Variants in KCNMA1 observed in about 807,000 individuals in gnomAD.
KCNMA1 encodes Calcium-activated potassium channel subunit alpha-1.
Under a neutral mutation model 140.0 loss-of-function variants are expected in KCNMA1, and 29 were observed. The observed-to-expected ratio is 0.21, with a 90% confidence interval of 0.15 to 0.28. The LOEUF is 0.28. Among genes scored for constraint, KCNMA1 ranks in the 10% least tolerant of loss-of-function variants. The pLI is 1.00. For synonymous variants in KCNMA1, 612 were observed against 611.9 expected (o/e 1.00, Z 0.00); for missense variants, 880 against 1,602.2 (o/e 0.55, Z 7.70).
chr10:76,966,465 T>G (rs1468457646), intron 20 of KCNMA1, among the ~76,000 whole-genome samples: 1 of 152,172 alleles, frequency 6.6e-6, no homozygotes, highest in African/African-American at 2.4e-5. Flanking sequence ...TACTTTTTAT[T>G]TTTTCCTAGA....
At chr10:77,005,359 G>A (rs984587018) in intron 18 of KCNMA1, among the ~76,000 whole-genome samples, 16 of 152,218 alleles carry the variant, frequency 1.1e-4, no homozygotes, top group African/African-American at 3.9e-4. Flanking sequence ...TGGCACAGGA[G>A]GACTATTTCA....
At chr10:77,272,020 T>C (rs1403009797) in intron 2 of KCNMA1, among the ~76,000 whole-genome samples, 1 of 152,184 alleles carries the variant, frequency 6.6e-6, no homozygotes, top group Non-Finnish European at 1.5e-5. Context: ...CTGACTATCC[T>C]TTCTAAAGCA....
intron 13 of KCNMA1, chr10:77,077,787 G>A (rs1327139186): frequency 6.6e-6 from 1 of 152,100 alleles, no homozygotes; most frequent in Non-Finnish European, 1.5e-5. Context: ...CACCTACAAG[G>A]GCTGCCATCA....
chr10:77,574,751 C>T (rs753283153), intron 1 of KCNMA1, among the ~76,000 whole-genome samples: 4 of 152,184 alleles, frequency 2.6e-5, no homozygotes, highest in Admixed American at 6.5e-5. Context: ...ATAGAATGGT[C>T]GTGAGGATCA....
At chr10:77,548,404 G>A (rs1423863412) in intron 1 of KCNMA1, among the ~76,000 whole-genome samples, 2 of 152,184 alleles carry the variant, frequency 1.3e-5, no homozygotes, top group African/African-American at 4.8e-5. Context: ...TAGCTCAGGG[G>A]CAGACAGAAG....
chr10:77,406,311 G>A (rs669677), intron 1 of KCNMA1, among the ~76,000 whole-genome samples: 92,348 of 151,036 alleles, frequency 0.61, 28,155 homozygotes, highest in East Asian at 0.63. Flanking sequence ...TGCCACCGCT[G>A]TGGGACCTCA....
chr10:76,995,846 C>A, intron 19 of KCNMA1: 2 of 369,842 alleles, frequency 5.4e-6, no homozygotes, highest in South Asian at 4.0e-5. Flanking sequence ...CATGGTGTCC[C>A]TGGGAAGAAA....
intron 1 of KCNMA1, among the ~76,000 whole-genome samples, chr10:77,437,307 G>A (rs900736542): frequency 6.6e-6 from 1 of 152,182 alleles, no homozygotes; most frequent in Non-Finnish European, 1.5e-5. Context: ...GAAGGGGAGA[G>A]TGGGAGGATG....
rs139840187 is a variant in KCNMA1 at position 77,583,405 on chromosome 10, T to A, written c.378+53860A>T. Among the ~76,000 whole-genome samples, 103 of 152,334 alleles carry A rather than the reference T, an allele frequency of 6.8e-4. 4 individuals carry two copies. In the East Asian group the frequency reaches 0.02, roughly 29 times the overall value. On this transcript the variant is annotated intron_variant, in intron 1 of 27. Coordinates refer to ENST00000286628, the MANE Select transcript of KCNMA1 (RefSeq NM_001161352.2). ...AGAGCATGGTTGAATATTTCTCACA[T>A]AGGGACACAAGTCCAGAAGGCATAT...
intron 14 of KCNMA1, among the ~76,000 whole-genome samples, chr10:77,068,595 GA>G (rs953879831): frequency 5.7e-4 from 83 of 145,776 alleles, no homozygotes; most frequent in African/African-American, 1.9e-3. Context: ...GCGGCATAGG[GA>G]AAAAAAAACA....
chr10:77,252,525 TTG>T (rs139774027), intron 2 of KCNMA1, among the ~76,000 whole-genome samples: 25,860 of 145,690 alleles, frequency 0.18, 2,714 homozygotes, highest in Non-Finnish European at 0.26. Context: ...TGATCAAGCT[TTG>T]TGTGTGTGTG....
intron 1 of KCNMA1, among the ~76,000 whole-genome samples, chr10:77,483,887 T>C (rs571153355): frequency 2.4e-4 from 36 of 152,328 alleles, no homozygotes; most frequent in African/African-American, 8.2e-4. Flanking sequence ...GGACAATCAC[T>C]GCCCCTCCTC....
chr10:77,531,933 C>A (rs1285232670), intron 1 of KCNMA1, among the ~76,000 whole-genome samples: 1 of 152,182 alleles, frequency 6.6e-6, no homozygotes, highest in East Asian at 1.9e-4. Flanking sequence ...CTTCTCTCTG[C>A]CCACGTGGCA....
intron 21 of KCNMA1, among the ~76,000 whole-genome samples, chr10:76,953,020 A>C (rs2066872748): frequency 6.6e-6 from 1 of 152,234 alleles, no homozygotes; most frequent in Non-Finnish European, 1.5e-5. Flanking sequence ...TAATAGAACA[A>C]GGGCAGAGAG....
At chr10:77,096,112 C>T (rs2096926307) in intron 9 of KCNMA1, among the ~76,000 whole-genome samples, 1 of 152,192 alleles carries the variant, frequency 6.6e-6, no homozygotes, top group Admixed American at 6.5e-5. Flanking sequence ...CCTTTCTTCT[C>T]TTTGATGTGG....
intron 2 of KCNMA1, chr10:77,313,886 T>G (rs2080036178): frequency 6.6e-6 from 1 of 152,200 alleles, no homozygotes; most frequent in South Asian, 2.1e-4. Context: ...TCACAGGATT[T>G]GGGGGTTAAA....
At chr10:77,606,990 G>C (rs2084800569) in intron 1 of KCNMA1, among the ~76,000 whole-genome samples, 1 of 152,100 alleles carries the variant, frequency 6.6e-6, no homozygotes, top group Admixed American at 6.6e-5. Flanking sequence ...TAAGCCCTGG[G>C]GCCTCAAGTT....
At chr10:77,233,610 C>T (rs2054357713) in intron 3 of KCNMA1, among the ~76,000 whole-genome samples, 1 of 152,162 alleles carries the variant, frequency 6.6e-6, no homozygotes, top group South Asian at 2.1e-4. Flanking sequence ...AGGAGGTTTG[C>T]TAAGGGCCAG....
chr10:77,518,209 C>A (rs1238274216), intron 1 of KCNMA1, among the ~76,000 whole-genome samples: 2 of 152,182 alleles, frequency 1.3e-5, no homozygotes, highest in African/African-American at 4.8e-5. Context: ...ATCCCCTTAG[C>A]CTGTTTCATA....
Sources: gnomAD v4.1 joint callset for allele counts (sites outside exome capture counted in the v4.1 genomes callset) on GRCh38, gnomAD v4.1.1 for gene constraint, MANE v1.5 for transcripts, NCBI Gene and HGNC (gene_info 2026-07-23, HGNC 2026-07-21) for gene names.